CAD: variants seen among roughly 807,000 people sequenced by gnomAD.
CAD encodes multifunctional protein CAD.
Under a neutral mutation model 237.2 loss-of-function variants are expected in CAD, and 81 were observed. The ratio of observed to expected loss-of-function variants is 0.34; its 90% CI spans 0.29 to 0.41. The LOEUF is 0.41. Among genes scored for constraint, CAD ranks in the 10% least tolerant of loss-of-function variants. The pLI, the probability that CAD is intolerant of heterozygous loss-of-function variation, is 1.00. For missense variants in CAD, 2,181 were observed against 2,951.7 expected, an observed-to-expected ratio of 0.74 and a Z score of 6.05; for synonymous variants, 1,196 against 1,162.8, an observed-to-expected ratio of 1.03 and a Z score of -0.58.
intron 11 of CAD, among the ~76,000 whole-genome samples, chr2:27,225,496 G>T (rs1415802779): frequency 2.6e-5 from 4 of 151,658 alleles, no homozygotes; most frequent in Admixed American, 2.6e-4. Context: ...AGTAGAGACG[G>T]GGTTTCTCCA....
At position 27,240,352 on chromosome 2, in the gene CAD, G is replaced by A; in HGVS notation, c.5584G>A (p.Gly1862Ser). The A allele has an allele frequency of 1.9e-6, 3 of 1,614,120 alleles. No homozygotes were observed. The highest frequency in any genetic ancestry group is 2.5e-6 in the Non-Finnish European group (3 of 1,179,988). ...PPRIHRASDP[G>S]LPAEEPKEKS... ...CCGAATCCATCGAGCCTCCGACCCA[G>A]GTTTGCCAGGTAAGAGTGGGGTTCC... The change falls in exon 35 of 44, where the codon GGT becomes AGT. Residue 1862 changes from glycine to serine, a missense_variant. Gly to Ser is a moderately conservative substitution (Grantham distance 56, BLOSUM62 0). Coordinates refer to ENST00000264705, the MANE Select transcript of CAD (RefSeq NM_004341.5). The surrounding 1 kb of genome is among the most constrained non-coding windows in gnomAD (Gnocchi z 4.6).
At chr2:27,224,627 A>C (rs1479463388) in intron 9 of CAD, 118 bp from the exon 10 acceptor site, 12 of 1,535,954 alleles carry the variant, frequency 7.8e-6, no homozygotes, top group Non-Finnish European at 7.1e-6. Context: ...TAAGAAATAG[A>C]AGTCAATTAT....
intron 9 of CAD, 93 bp downstream of exon 9, chr2:27,224,583 G>A (rs1675338874): frequency 6.4e-7 from 1 of 1,559,650 alleles, no homozygotes; most frequent in East Asian, 2.3e-5. Context: ...GGGAGGAAAT[G>A]AACCAGATTT....
Position 27,243,582 on chromosome 2 carries a change from C to CGTAGGAGGCACTGGAAT in CAD, c.*64_*65insGTAGGAGGCACTGGAAT. 2.5e-6 allele frequency: 3 copies of CGTAGGAGGCACTGGAAT among 1,217,570 alleles called. No individual in the cohort carries two copies. The highest frequency in any genetic ancestry group is 3.5e-6 in the Non-Finnish European group (3 of 847,472). The allele number at this position is 1,217,570 out of a possible 1,614,324, so 75.4% of individuals were successfully genotyped here. On this transcript the variant is annotated 3_prime_UTR_variant, in exon 44 of 44. Transcript: ENST00000264705. ...GCTGGGCAAGGAATTCCAGTGCCTC[C>CGTAGGAGGCACTGGAAT]TACGGGGGCAGCACACTTAGATATT...
intron 15 of CAD, among the ~76,000 whole-genome samples, chr2:27,230,992 CT>C (rs1675723705): frequency 1.3e-5 from 2 of 152,142 alleles, no homozygotes; most frequent in African/African-American, 4.8e-5. Context: ...GTTAAGATTT[CT>C]TTTTGTTTGT....
rs758419246 is a variant in CAD at position 27,225,122 on chromosome 2, G to A, written c.1499G>A (p.Arg500Gln). The A allele has an allele frequency of 8.7e-6, 14 of 1,614,104 alleles. No individual in the cohort carries two copies. The highest frequency in any genetic ancestry group is 1.7e-5 in the Admixed American group (1 of 60,020). Residue 500 changes from arginine to glutamine, a missense_variant, in exon 11 of 44, where the codon CGG becomes CAG. Around this residue, in one of 12 missense-constraint regions of CAD, gnomAD observed 174 missense variants for 215.8 expected, o/e 0.81. Coordinates refer to ENST00000264705, the MANE Select transcript of CAD (RefSeq NM_004341.5). ...KAGVLARYGVRVLGTPVETIE... is the reference protein window; with the variant it reads ...KAGVLARYGVQVLGTPVETIE... ...GGGGTGCTGGCTCGGTATGGGGTCC[G>A]GGTCCTGGGCACACCAGTGGAGACC... is the stretch of plus-strand genomic sequence containing the variant.
chr2:27,222,408 G>T, intron 4 of CAD, 72 bp downstream of exon 4: 2 of 1,582,144 alleles, frequency 1.3e-6, no homozygotes, highest in Non-Finnish European at 1.7e-6. Flanking sequence ...ATTGGGGGGT[G>T]AACACAGGAG....
chr2:27,228,710 GCCTCCAGAGTAACTGGGATTA>G (rs1219628777), intron 15 of CAD, among the ~76,000 whole-genome samples: 1 of 152,020 alleles, frequency 6.6e-6, no homozygotes, highest in Non-Finnish European at 1.5e-5. Flanking sequence ...TCCTGTCTCA[GCCTCCAGAGTAACTGGGATTA>G]CAGGCATGTG....
In CAD at chr2:27,242,623, A is replaced by G. The variant is rs1676375213; in HGVS notation, c.6226A>G (p.Thr2076Ala). Residue 2076 changes from threonine to alanine, a missense_variant, in exon 41 of 44, where the codon ACG becomes GCG. By Grantham distance (58) the Thr-to-Ala change is moderately conservative. Transcript: ENST00000264705. This position sits in a 1 kb window ranked among gnomAD's most constrained non-coding sequence, Gnocchi z 6.4. ...GGTGACTGGATTCCTCTCCTAGATC[A>G]CGATGGTGGGTGACCTGAAGCACGG... ...ELGTVNGMTITMVGDLKHGRT... is the reference protein window; with the variant it reads ...ELGTVNGMTIAMVGDLKHGRT... 1 of 1,593,314 alleles carries G rather than the reference A, an allele frequency of 6.3e-7. No homozygotes were observed. The highest frequency in any genetic ancestry group is 8.6e-7 in the Non-Finnish European group (1 of 1,165,976).
At chr2:27,234,804 G>T (rs955879374) in intron 23 of CAD, 119 bp downstream of exon 23, 2 of 940,270 alleles carry the variant, frequency 2.1e-6, no homozygotes, top group Non-Finnish European at 3.2e-6. Flanking sequence ...CGGATCGTGG[G>T]GGTAATGAGG....
At position 27,243,284 on chromosome 2, in the gene CAD, C is replaced by T. The variant is rs748061593; in HGVS notation, c.6567C>T (p.Asn2189=). ...MVVMHPMPRV[N]EISVEVDSDP... The stretch of plus-strand genomic sequence containing the variant: ...TGATGCACCCGATGCCCCGTGTCAA[C>T]GAGATAAGGTGGTGCAGCATCAGAG... The change falls in exon 43 of 44, where the codon AAC becomes AAT. Residue 2189 remains asparagine, a synonymous_variant. Coordinates refer to ENST00000264705, the MANE Select transcript of CAD (RefSeq NM_004341.5). 1.1e-5 allele frequency: 18 copies of T among 1,613,544 alleles called. No individual in the cohort carries two copies. Among genetic ancestry groups the T allele is most frequent in the African/African-American group, 6.7e-5 (5 of 74,724 alleles).
In CAD at chr2:27,217,481, A is replaced by T; in HGVS notation, c.-71A>T. The T allele has an allele frequency of 7.6e-7, 1 of 1,324,396 alleles. No individual in the cohort carries two copies. The highest frequency in any genetic ancestry group is 1.1e-6 in the Non-Finnish European group (1 of 940,302). 82.0% of individuals were successfully genotyped at this position (1,324,396 alleles called of 1,614,324 possible). ...GGACCGACTCCGGCGCGCCGTCCTCACGTGGTTCCAGTGGAGTTTGCAGTC... is the reference window on the plus strand; with the variant it reads ...GGACCGACTCCGGCGCGCCGTCCTCTCGTGGTTCCAGTGGAGTTTGCAGTC... On this transcript the variant is annotated 5_prime_UTR_variant, in exon 1 of 44. Transcript: ENST00000264705.
At chr2:27,217,836 AGGGT>A in intron 1 of CAD, 37 bp from the exon 2 acceptor site, 2 of 1,555,134 alleles carry the variant, frequency 1.3e-6, no homozygotes, top group Non-Finnish European at 1.7e-6. Context: ...AGTGTTCCGA[AGGGT>A]GCCCTACCGG....
In CAD at chr2:27,241,071, C is replaced by T; in HGVS notation, c.5652C>T (p.Thr1884=). Reference sequence around the variant, plus strand: ...CCCTCACTGCAGAGCTGATGGGAACCCCTGATGGCACCTGCTACCCTCCAC... The same window carrying T: ...CCCTCACTGCAGAGCTGATGGGAACTCCTGATGGCACCTGCTACCCTCCAC... The part of the protein sequence containing the change: ...RKVAEPELMG[T]PDGTCYPPPP... Residue 1884 remains threonine, a synonymous_variant, in exon 37 of 44, where the codon ACC becomes ACT. Coordinates refer to ENST00000264705, the MANE Select transcript of CAD (RefSeq NM_004341.5). The surrounding 1 kb of genome is among the most constrained non-coding windows in gnomAD (Gnocchi z 4.6). 1.9e-6 allele frequency: 3 copies of T among 1,610,146 alleles called. No homozygotes were observed. The highest frequency in any genetic ancestry group is 2.5e-6 in the Non-Finnish European group (3 of 1,177,988).
chr2:27,236,575 A>G lies in CAD; in HGVS notation c.4314+52A>G. ...GAGACTGCCAGTGTTGATGGGAAGAAGAAAGAGGGAGGAGTGAGTATGGAA... is the reference window on the plus strand; with the variant it reads ...GAGACTGCCAGTGTTGATGGGAAGAGGAAAGAGGGAGGAGTGAGTATGGAA... On this transcript the variant is annotated intron_variant, in intron 26 of 43. Transcript: ENST00000264705. This position sits in a 1 kb window ranked among gnomAD's most constrained non-coding sequence, Gnocchi z 4.1. 6.2e-7 allele frequency: 1 copy of G among 1,601,824 alleles called. No individual in the cohort carries two copies. The highest frequency in any genetic ancestry group is 8.5e-7 in the Non-Finnish European group (1 of 1,175,516).
chr2:27,224,197 C>T, intron 8 of CAD, 148 bp from the exon 9 acceptor site: 5 of 948,414 alleles, frequency 5.3e-6, no homozygotes, highest in Non-Finnish European at 8.0e-6. Flanking sequence ...TTGAAAGGAA[C>T]TCCAGGGTCC....
chr2:27,217,843 C>A (rs377668797), intron 1 of CAD, 34 bp from the exon 2 acceptor site: 2 of 1,561,766 alleles, frequency 1.3e-6, no homozygotes, highest in Non-Finnish European at 8.7e-7. Flanking sequence ...CGAAGGGTGC[C>A]CTACCGGAGC....
Position 27,240,984 on chromosome 2 carries a change from C to T in CAD, c.5638+29C>T. 1 of 1,614,092 alleles carries T rather than the reference C, an allele frequency of 6.2e-7. No individual in the cohort carries two copies. The highest frequency in any genetic ancestry group is 8.5e-7 in the Non-Finnish European group (1 of 1,179,982). On this transcript the variant is annotated intron_variant, in intron 36 of 43. Transcript: ENST00000264705. This position sits in a 1 kb window ranked among gnomAD's most constrained non-coding sequence, Gnocchi z 4.6. Reference sequence around the variant, plus strand: ...AGACTCCACCCTGACACACACTCACCTCGGGGACCTCTGATCTGGCCTTGG... The same window carrying T: ...AGACTCCACCCTGACACACACTCACTTCGGGGACCTCTGATCTGGCCTTGG...
chr2:27,219,141 C>A (rs528694399), intron 2 of CAD, among the ~76,000 whole-genome samples: 1 of 152,158 alleles, frequency 6.6e-6, no homozygotes, highest in African/African-American at 2.4e-5. Context: ...GAGCCACTCG[C>A]ACATATAAAT....
Sources: allele counts gnomAD v4.1 joint callset (sites outside exome capture counted in the v4.1 genomes callset), GRCh38; gene constraint gnomAD v4.1.1; regional missense constraint gnomAD v4.1.1; non-coding constraint Gnocchi (gnomAD v3.1); transcripts MANE v1.5; gene names NCBI Gene and HGNC (gene_info 2026-07-23, HGNC 2026-07-21).